Variants in NEBL observed in about 807,000 individuals in gnomAD.
NEBL encodes LIM and SH3 protein 2.
Under a neutral mutation model 140.2 loss-of-function variants are expected in NEBL, and 122 were observed. That is an observed-to-expected ratio of 0.87 (90% CI 0.75 to 1.01). NEBL has a LOEUF of 1.01. Ranked by LOEUF, NEBL falls within the 50% of genes least tolerant of loss-of-function variation. NEBL has a pLI of 0.00. For missense variants in NEBL, 1,365 were observed against 1,231.3 expected (o/e 1.11, Z -1.62); for synonymous variants, 436 against 398.9 (o/e 1.09, Z -1.11).
intron 4 of NEBL, among the ~76,000 whole-genome samples, chr10:20,923,526 A>G (rs1016219771): frequency 6.6e-6 from 1 of 151,754 alleles, no homozygotes; most frequent in East Asian, 1.9e-4. Context: ...AAAATACACA[A>G]AAATTAGCCG....
intron 26 of NEBL, among the ~76,000 whole-genome samples, chr10:20,792,187 A>C (rs1029142096): frequency 1.3e-5 from 2 of 152,036 alleles, no homozygotes; most frequent in Admixed American, 1.3e-4. Context: ...CTATAGATGT[A>C]ATGTGAAAAG....
intron 5 of NEBL, among the ~76,000 whole-genome samples, chr10:20,874,847 C>T (rs1297022490): frequency 1.3e-5 from 2 of 152,158 alleles, no homozygotes; most frequent in African/African-American, 2.4e-5. Context: ...TCAAGTAATA[C>T]TCCTGTCTTA....
chr10:20,917,564 C>T (rs529320754), intron 4 of NEBL, among the ~76,000 whole-genome samples: 1 of 152,286 alleles, frequency 6.6e-6, no homozygotes, highest in South Asian at 2.1e-4. Flanking sequence ...TCACGTACCT[C>T]ATTTTTAACT....
intron 26 of NEBL, among the ~76,000 whole-genome samples, chr10:20,807,966 A>C (rs1588650513): frequency 6.6e-6 from 1 of 151,378 alleles, no homozygotes; most frequent in Admixed American, 6.6e-5. Context: ...TTAACAATCA[A>C]TAGTATTTCT....
chr10:20,914,793 A>T (rs1021674273), intron 4 of NEBL, among the ~76,000 whole-genome samples: 8 of 152,102 alleles, frequency 5.3e-5, no homozygotes, highest in African/African-American at 1.7e-4. Context: ...CAATTTTAAT[A>T]CCAAATTTAC....
chr10:21,261,859 C>A lies in NEBL; in HGVS notation n.183-10031G>T, dbSNP rs114697026. Among the ~76,000 whole-genome samples, 2 of 152,054 alleles carry A rather than the reference C, an allele frequency of 1.3e-5. 1 individual carries two copies. The highest frequency in any genetic ancestry group is 4.2e-4 in the South Asian group (2 of 4,812). ...ACTCACATGCACCAAAACAGCCCTGCGTGTCCTGCTGAGACGTGCACACTC... is the reference window on the plus strand; with the variant it reads ...ACTCACATGCACCAAAACAGCCCTGAGTGTCCTGCTGAGACGTGCACACTC... On this transcript the variant is annotated intron_variant and non_coding_transcript_variant, in intron 1 of 8. Coordinates refer to the NEBL transcript ENST00000675702.
chr10:20,857,018 G>A (rs1033119136), intron 9 of NEBL, among the ~76,000 whole-genome samples: 12 of 151,896 alleles, frequency 7.9e-5, no homozygotes, highest in African/African-American at 2.9e-4. Context: ...TAGTAGAGAC[G>A]AGGTTTCACC....
intron 2 of NEBL, among the ~76,000 whole-genome samples, chr10:21,115,587 G>C (rs1359268051): frequency 6.6e-6 from 1 of 151,790 alleles, no homozygotes. Context: ...CTTCCGACTT[G>C]CATTGTTTCC....
At chr10:21,252,122 A>G (rs1842595595) in intron 1 of NEBL, among the ~76,000 whole-genome samples, 2 of 152,210 alleles carry the variant, frequency 1.3e-5, no homozygotes, top group Non-Finnish European at 2.9e-5. Flanking sequence ...TGGCTTATAG[A>G]AAAGTCTCCG....
intron 3 of NEBL, among the ~76,000 whole-genome samples, chr10:21,215,098 C>T (rs1297024337): frequency 6.6e-6 from 1 of 152,180 alleles, no homozygotes; most frequent in Non-Finnish European, 1.5e-5. Flanking sequence ...AGCGAAATAA[C>T]TAAAATGAAC....
intron 3 of NEBL, among the ~76,000 whole-genome samples, chr10:21,246,688 A>T (rs574019440): frequency 6.6e-6 from 1 of 152,000 alleles, no homozygotes; most frequent in South Asian, 2.1e-4. Context: ...TAAAAAAATC[A>T]TCGAGCGTGG....
At chr10:20,956,706 A>G (rs968817026) in intron 4 of NEBL, among the ~76,000 whole-genome samples, 1 of 152,204 alleles carries the variant, frequency 6.6e-6, no homozygotes, top group Non-Finnish European at 1.5e-5. Flanking sequence ...TTTTTGTATA[A>G]AGAACAAAAT....
upstream of NEBL, among the ~76,000 whole-genome samples, chr10:21,176,972 A>C (rs1841310903): frequency 6.6e-6 from 1 of 152,344 alleles, no homozygotes; most frequent in African/African-American, 2.4e-5. Context: ...TTAAAGCATA[A>C]CTAATATCAC....
chr10:21,171,073 C>T (rs1841049230), intron 2 of NEBL, among the ~76,000 whole-genome samples: 2 of 152,120 alleles, frequency 1.3e-5, no homozygotes, highest in South Asian at 2.1e-4. Flanking sequence ...CGGTGGCTCA[C>T]GCCGGTAATT....
At chr10:20,815,772 C>A in intron 21 of NEBL, 55 bp from the exon 22 acceptor site, 2 of 1,217,914 alleles carry the variant, frequency 1.6e-6, no homozygotes, top group Non-Finnish European at 2.4e-6. Context: ...AACAAAGAGA[C>A]TTATTTATTT....
intron 3 of NEBL, among the ~76,000 whole-genome samples, chr10:21,007,506 T>C (rs1838180865): frequency 6.6e-6 from 1 of 152,252 alleles, no homozygotes; most frequent in Non-Finnish European, 1.5e-5. Context: ...TATAAGACTC[T>C]TGCTTTTTAT....
At chr10:21,245,206 C>A (rs774122999) in intron 3 of NEBL, among the ~76,000 whole-genome samples, 45 of 152,072 alleles carry the variant, frequency 3.0e-4, no homozygotes, top group Non-Finnish European at 5.9e-4. Context: ...AGGTCCACAT[C>A]CTGAAAGAAA....
In NEBL at chr10:20,782,833, A is replaced by G. The variant is rs1835118371; in HGVS notation, c.*2914T>C. 6.6e-6 allele frequency: 1 copy of G among 152,624 alleles called. No homozygotes were observed. Among genetic ancestry groups the G allele is most frequent in the Admixed American group, 6.5e-5 (1 of 15,274 alleles). The allele number at this position is 152,624 out of a possible 1,614,324, so 9.5% of individuals were successfully genotyped here. On this transcript the variant is annotated 3_prime_UTR_variant, in exon 28 of 28. Coordinates refer to ENST00000377122, the MANE Select transcript of NEBL (RefSeq NM_006393.3). ...TTAGAAATAGAAAGCTTTCTAGAGA[A>G]CAAGAATTATTAGTAAAAACATGTA...
chr10:20,812,687 G>C, intron 24 of NEBL, 82 bp downstream of exon 24: 2 of 1,529,672 alleles, frequency 1.3e-6, no homozygotes, highest in South Asian at 2.3e-5. Context: ...GGAGTCAGAT[G>C]ACTCAAGAGG....
Sources: gnomAD v4.1 joint callset for allele counts (sites outside exome capture counted in the v4.1 genomes callset) on GRCh38, gnomAD v4.1.1 for gene constraint, MANE v1.5 for transcripts, NCBI Gene and HGNC (gene_info 2026-07-23, HGNC 2026-07-21) for gene names.